The following TRMT10B variants were observed in gnomAD, a reference collection of about 807,000 sequenced individuals.
The protein encoded by TRMT10B is tRNA methyltransferase 10 homolog B.
A neutral mutation model predicts 43.8 loss-of-function variants in TRMT10B; 33 were observed. That is an observed-to-expected ratio of 0.75 (90% CI 0.57 to 1.01). The LOEUF is 1.01. TRMT10B is among the 50% of genes least tolerant of loss of function. The probability of loss-of-function intolerance (pLI) is 0.00; values close to 1 mark genes in which losing one functional copy is unlikely to be tolerated. For synonymous variants in TRMT10B, 137 were observed against 130.6 expected (o/e 1.05, Z -0.34); for missense variants, 362 against 369.8 (o/e 0.98, Z 0.17).
chr9:37,769,145 T>C (rs1206356174), intron 5 of TRMT10B, among the ~76,000 whole-genome samples: 1 of 151,576 alleles, frequency 6.6e-6, no homozygotes, highest in East Asian at 1.9e-4. Flanking sequence ...CCGTCCCTAC[T>C]AAAAATACGA....
intron 1 of TRMT10B, among the ~76,000 whole-genome samples, chr9:37,760,587 C>G (rs1826220692): frequency 6.6e-6 from 1 of 152,112 alleles, no homozygotes; most frequent in South Asian, 2.1e-4. Flanking sequence ...TCAATACATT[C>G]AAAGCTGATG....
At chr9:37,765,024 T>C (rs1381802434) in intron 4 of TRMT10B, among the ~76,000 whole-genome samples, 1 of 152,094 alleles carries the variant, frequency 6.6e-6, no homozygotes, top group Non-Finnish European at 1.5e-5. Context: ...ATTGGCTTGT[T>C]AGGAAAATTC....
rs550457644 is a variant in TRMT10B, at chr9:37,773,207, A to G, written c.720+2468A>G. ...GCTGCAACCTTGAACTTCTGGTCTC[A>G]AGCAATCCTTGCGCCTCAGCCTCCT... On this transcript the variant is annotated intron_variant, in intron 7 of 8. Transcript: ENST00000297994. Among the ~76,000 whole-genome samples, 4 of 152,196 alleles carry G rather than the reference A, an allele frequency of 2.6e-5. No homozygotes were observed. The South Asian group carries it at 8.3e-4, about 32-fold the overall frequency.
intron 1 of TRMT10B, among the ~76,000 whole-genome samples, chr9:37,761,585 C>G (rs947950701): frequency 6.6e-6 from 1 of 152,172 alleles, no homozygotes; most frequent in South Asian, 2.1e-4. Flanking sequence ...GTAATCCCAG[C>G]TACTCAGGAG....
intron 7 of TRMT10B, among the ~76,000 whole-genome samples, chr9:37,773,899 T>G (rs1827846525): frequency 6.7e-6 from 1 of 148,456 alleles, no homozygotes; most frequent in South Asian, 2.1e-4. Context: ...TGCAGAGAAC[T>G]GTGGTCACAC....
chr9:37,768,877 G>A (rs992753348), intron 5 of TRMT10B, among the ~76,000 whole-genome samples: 1 of 152,200 alleles, frequency 6.6e-6, no homozygotes, highest in African/African-American at 2.4e-5. Context: ...TTTCTTCTAT[G>A]TAGTTGTTTT....
At position 37,754,225 on chromosome 9, in the gene TRMT10B, C is replaced by T. The variant is rs527410626; in HGVS notation, c.-30+373C>T. 1.1e-3 allele frequency among the ~76,000 whole-genome samples: 173 copies of T among 152,314 alleles called. 7 individuals are homozygous for T. In the South Asian group the frequency reaches 0.034, roughly 30 times the overall value. On this transcript the variant is annotated intron_variant, in intron 1 of 8. Transcript: ENST00000297994. ...TTATTAAGCATCTATAAGCAAACAACACTTGCCTACATTGAAGGGATGGAG... is the reference window on the plus strand; with the variant it reads ...TTATTAAGCATCTATAAGCAAACAATACTTGCCTACATTGAAGGGATGGAG...
At position 37,778,878 on chromosome 9, in the gene TRMT10B, C is replaced by T. The variant is rs1040858756; in HGVS notation, c.*1171C>T. 2 of 152,166 alleles carry T rather than the reference C, an allele frequency of 1.3e-5. No homozygotes were observed. The highest frequency in any genetic ancestry group is 4.8e-5 in the African/African-American group (2 of 41,412). The allele number at this position is 152,166 out of a possible 1,614,324, so 9.4% of individuals were successfully genotyped here. On this transcript the variant is annotated 3_prime_UTR_variant, in exon 9 of 9. Transcript: ENST00000297994. ...TCCTAATGGTAGGATCCTAACAGGA[C>T]AAATCTGTGTACCTATCTTTCTATC... is the stretch of plus-strand genomic sequence containing the variant.
chr9:37,760,940 ACAT>A (rs1202547857), intron 1 of TRMT10B, among the ~76,000 whole-genome samples: 7 of 152,222 alleles, frequency 4.6e-5, no homozygotes, highest in Admixed American at 4.6e-4. Context: ...TTTGAAATTG[ACAT>A]CATTAAGTGT....
At chr9:37,757,820 C>G (rs955104076) in intron 1 of TRMT10B, among the ~76,000 whole-genome samples, 3 of 152,226 alleles carry the variant, frequency 2.0e-5, no homozygotes, top group African/African-American at 7.2e-5. Flanking sequence ...CGTGGAGAGA[C>G]TCTATGGCAG....
At position 37,762,685 on chromosome 9, in the gene TRMT10B, G is replaced by C; in HGVS notation, c.295G>C (p.Gly99Arg). 2 of 1,577,796 alleles carry C rather than the reference G, an allele frequency of 1.3e-6. No homozygotes were observed. Among genetic ancestry groups the C allele is most frequent in the Non-Finnish European group, 1.7e-6 (2 of 1,160,292 alleles). The change falls in exon 3 of 9, where the codon GGC (glycine) becomes CGC (arginine). Residue 99 changes from glycine to arginine, a missense_variant and splice_region_variant. Transcript: ENST00000297994. ...AAAAGCCAATCGTGCAGAAAATCCA[G>C]GTGACAATAAATGAGACTGTTGGTA... ...RRKANRAENP[G>R]ICPQHSKRFL...
At chr9:37,756,796 GTATGTGTATA>G (rs1589002010) in intron 1 of TRMT10B, among the ~76,000 whole-genome samples, 1 of 131,834 alleles carries the variant, frequency 7.6e-6, no homozygotes, top group Non-Finnish European at 1.7e-5. Context: ...ACATACATGT[GTATGTGTATA>G]TATGTGTGCA....
At chr9:37,753,316 C>T (rs1257375113), upstream of TRMT10B, among the ~76,000 whole-genome samples, 3 of 152,230 alleles carry the variant, frequency 2.0e-5, no homozygotes, top group Non-Finnish European at 2.9e-5. Context: ...TATTTTAGTT[C>T]TACAAAGATT....
intron 7 of TRMT10B, among the ~76,000 whole-genome samples, chr9:37,774,496 T>C (rs1827925941): frequency 6.6e-6 from 1 of 152,234 alleles, no homozygotes; most frequent in Admixed American, 6.5e-5. Flanking sequence ...AAGAACAACA[T>C]TTCTTCAAGG....
intron 1 of TRMT10B, among the ~76,000 whole-genome samples, chr9:37,755,535 A>G (rs1160949989): frequency 1.3e-5 from 2 of 152,176 alleles, no homozygotes; most frequent in East Asian, 3.9e-4. Context: ...CTAGGTGGCA[A>G]TCACCTAATC....
Position 37,769,981 on chromosome 9 carries a change from T to C in TRMT10B, c.614T>C (p.Leu205Ser). 6.2e-6 allele frequency: 10 copies of C among 1,614,188 alleles called. No individual in the cohort carries two copies. Among genetic ancestry groups the C allele is most frequent in the African/African-American group, 1.3e-5 (1 of 75,058 alleles). The part of the protein sequence containing the change: ...TEEDCFSLFP[L>S]ETLVYLTPDS... ...GAAGACTGCTTTAGTTTATTTCCCT[T>C]GGAAACCCTTGTGTACCTGACTCCT... The change falls in exon 6 of 9, where the codon TTG (leucine) becomes TCG (serine). Residue 205 changes from leucine to serine, a missense_variant. Physicochemically the swap from Leu to Ser is moderately radical, Grantham distance 145. Coordinates refer to ENST00000297994, the MANE Select transcript of TRMT10B (RefSeq NM_144964.4).
chr9:37,772,744 G>C (rs1827724378), intron 7 of TRMT10B, among the ~76,000 whole-genome samples: 1 of 152,134 alleles, frequency 6.6e-6, no homozygotes, highest in African/African-American at 2.4e-5. Flanking sequence ...AGCACTTAGG[G>C]AGGCCCAAGG....
At chr9:37,765,408 T>TC (rs1826881079) in intron 4 of TRMT10B, among the ~76,000 whole-genome samples, 1 of 152,206 alleles carries the variant, frequency 6.6e-6, no homozygotes, top group African/African-American at 2.4e-5. Flanking sequence ...TTCATCCATG[T>TC]CCCTACAAAG....
At chr9:37,752,981 G>GT (rs1163654623), upstream of TRMT10B, among the ~76,000 whole-genome samples, 8 of 152,184 alleles carry the variant, frequency 5.3e-5, no homozygotes, top group Admixed American at 1.3e-4. Context: ...AACCCTTTGG[G>GT]TCCCTACTGT....
Sources: gnomAD v4.1 joint callset for allele counts (sites outside exome capture counted in the v4.1 genomes callset) on GRCh38, gnomAD v4.1.1 for gene constraint, MANE v1.5 for transcripts, NCBI Gene and HGNC (gene_info 2026-07-23, HGNC 2026-07-21) for gene names.